STK32B: variants seen among roughly 807,000 people sequenced by gnomAD.
STK32B encodes serine/threonine kinase 32B.
A neutral mutation model predicts 52.6 loss-of-function variants in STK32B; 43 were observed. The observed-to-expected ratio is 0.82, with a 90% CI of 0.64 to 1.05. The LOEUF (loss-of-function observed/expected upper bound fraction) is 1.05, where lower values mean the gene tolerates loss of function less well. Ranked by LOEUF, STK32B falls within the 50% of genes least tolerant of loss-of-function variation. STK32B has a pLI of 0.00. For missense variants in STK32B, 621 were observed against 534.6 expected, an observed-to-expected ratio of 1.16 and a Z score of -1.59; for synonymous variants, 238 against 204.3, an observed-to-expected ratio of 1.17 and a Z score of -1.41.
chr4:5,172,217 A>G (rs994400844), intron 3 of STK32B, among the ~76,000 whole-genome samples: 46 of 152,284 alleles, frequency 3.0e-4, no homozygotes, highest in Non-Finnish European at 4.3e-4. Flanking sequence ...GGCTGAGACA[A>G]TGGGGTTTTC....
rs1178778083 is a variant in STK32B, at chr4:5,499,683, A to AGACTT, written c.*602_*606dup. 2 of 152,278 alleles carry AGACTT rather than the reference A, an allele frequency of 1.3e-5. No homozygotes were observed. Among genetic ancestry groups the AGACTT allele is most frequent in the East Asian group, 1.9e-4 (1 of 5,184 alleles). The allele number at this position is 152,278 out of a possible 1,614,324, so 9.4% of individuals were successfully genotyped here. A position where few individuals can be genotyped will look rare whatever the true frequency, so the allele number is the denominator to read the frequency against. ...TGTAAGATGGTGCAGCATGCAGACC[A>AGACTT]GACTTGTCCCCAAGGTCTCAGCGCT... is the stretch of plus-strand genomic sequence containing the variant. On this transcript the variant is annotated 3_prime_UTR_variant, in exon 12 of 12. Coordinates refer to ENST00000282908, the MANE Select transcript of STK32B (RefSeq NM_018401.3).
intron 3 of STK32B, among the ~76,000 whole-genome samples, chr4:5,174,964 C>G (rs1327045278): frequency 6.6e-6 from 1 of 152,204 alleles, no homozygotes; most frequent in Non-Finnish European, 1.5e-5. Context: ...TTGGTCTTTT[C>G]ACATAGTCCC....
chr4:5,251,719 T>C (rs9291076), intron 3 of STK32B, among the ~76,000 whole-genome samples: 29 of 152,372 alleles, frequency 1.9e-4, no homozygotes, highest in African/African-American at 7.0e-4. Flanking sequence ...ATGGAATATT[T>C]TTCCATTTGT....
At chr4:5,267,047 TG>T (rs1361486945) in intron 3 of STK32B, among the ~76,000 whole-genome samples, 1 of 152,156 alleles carries the variant, frequency 6.6e-6, no homozygotes, top group East Asian at 1.9e-4. Context: ...AGATAGGACC[TG>T]GGAGGTGAAT....
chr4:5,223,465 T>G (rs1043731650), intron 3 of STK32B, among the ~76,000 whole-genome samples: 80 of 152,016 alleles, frequency 5.3e-4, no homozygotes, highest in African/African-American at 1.8e-3. Context: ...AGCAAAGCTA[T>G]GGGGGTGGGG....
intron 2 of STK32B, among the ~76,000 whole-genome samples, chr4:5,158,082 T>C (rs940380761): frequency 3.3e-5 from 5 of 152,158 alleles, no homozygotes; most frequent in African/African-American, 1.2e-4. Flanking sequence ...TCACAGGAAA[T>C]GCAGGCTCAC....
intron 3 of STK32B, among the ~76,000 whole-genome samples, chr4:5,319,404 C>T (rs1222322950): frequency 6.6e-6 from 1 of 152,236 alleles, no homozygotes; most frequent in Non-Finnish European, 1.5e-5. Context: ...ATGTAGCTGC[C>T]AGAGCAGCTG....
At chr4:5,227,191 C>T (rs1723932158) in intron 3 of STK32B, among the ~76,000 whole-genome samples, 1 of 152,106 alleles carries the variant, frequency 6.6e-6, no homozygotes, top group Non-Finnish European at 1.5e-5. Context: ...TGATACCACA[C>T]CAAAACTCAA....
At chr4:5,483,067 T>A (rs191599179) in intron 11 of STK32B, among the ~76,000 whole-genome samples, 2 of 151,974 alleles carry the variant, frequency 1.3e-5, no homozygotes, top group Admixed American at 6.6e-5. Context: ...TTGTGTCTCT[T>A]CCCGGCTTTG....
intron 11 of STK32B, among the ~76,000 whole-genome samples, chr4:5,486,607 A>T (rs973679712): frequency 1.3e-5 from 2 of 152,186 alleles, no homozygotes; most frequent in African/African-American, 4.8e-5. Context: ...CCACTGTCCA[A>T]CACTCCCCAG....
At chr4:5,420,890 T>C (rs1712580716) in intron 6 of STK32B, among the ~76,000 whole-genome samples, 1 of 151,840 alleles carries the variant, frequency 6.6e-6, no homozygotes. Flanking sequence ...GAGACAGTTT[T>C]TTTGTTTTGT....
At chr4:5,046,058 C>G in the STK32B span, among the ~76,000 whole-genome samples, 2 of 152,130 alleles carry the variant, frequency 1.3e-5, no homozygotes, top group Non-Finnish European at 2.9e-5. Flanking sequence ...ATGGCCAAGA[C>G]AGTCATAAGC....
chr4:5,317,109 A>T (rs1297069991), intron 3 of STK32B, among the ~76,000 whole-genome samples: 433 of 36,036 alleles, frequency 0.012, 21 homozygotes, highest in Non-Finnish European at 0.015. Flanking sequence ...TATAATATAT[A>T]ATATATATAA....
At chr4:5,186,584 T>C (rs547446213) in intron 3 of STK32B, among the ~76,000 whole-genome samples, 32 of 152,242 alleles carry the variant, frequency 2.1e-4, no homozygotes, top group African/African-American at 7.2e-4. Context: ...TTAAAAACTA[T>C]AGAGATTTCA....
At chr4:5,192,534 T>TTTCAC (rs1303530790) in intron 3 of STK32B, among the ~76,000 whole-genome samples, 4 of 152,214 alleles carry the variant, frequency 2.6e-5, no homozygotes, top group Non-Finnish European at 4.4e-5. Flanking sequence ...AGTTTAAATG[T>TTTCAC]GATCACAATA....
intron 3 of STK32B, among the ~76,000 whole-genome samples, chr4:5,282,008 G>A (rs1401118160): frequency 4.0e-5 from 6 of 151,704 alleles, no homozygotes; most frequent in Non-Finnish European, 8.8e-5. Context: ...ATATGCTTAT[G>A]GGTTATAATG....
chr4:5,172,934 G>T (rs147808253), intron 3 of STK32B, among the ~76,000 whole-genome samples: 28,543 of 152,106 alleles, frequency 0.19, 3,382 homozygotes, highest in East Asian at 0.3. Flanking sequence ...GAATCCGTCT[G>T]GTCCTGGAAT....
intron 3 of STK32B, among the ~76,000 whole-genome samples, chr4:5,224,057 A>T (rs1039739974): frequency 6.6e-6 from 1 of 152,178 alleles, no homozygotes; most frequent in Admixed American, 6.5e-5. Flanking sequence ...CTCACCTTTG[A>T]ATCTCACGCA....
intron 3 of STK32B, among the ~76,000 whole-genome samples, chr4:5,187,025 G>A (rs372659671): frequency 2.6e-5 from 4 of 152,220 alleles, no homozygotes; most frequent in African/African-American, 9.6e-5. Flanking sequence ...CAGAGGACAC[G>A]CAGTACAAAA....
Sources: gnomAD v4.1 joint callset for allele counts (sites outside exome capture counted in the v4.1 genomes callset) on GRCh38, gnomAD v4.1.1 for gene constraint, MANE v1.5 for transcripts, NCBI Gene and HGNC (gene_info 2026-07-23, HGNC 2026-07-21) for gene names.